The following TXNDC15 variants were observed in gnomAD, a reference collection of about 807,000 sequenced individuals.
The protein encoded by TXNDC15 is thioredoxin domain-containing protein 15.
TXNDC15 carries 24 observed loss-of-function variants against 35.0 expected under a neutral mutation model. That is an observed-to-expected ratio of 0.68 (90% confidence interval 0.50 to 0.96). The LOEUF is 0.96. TXNDC15 is among the 40% of genes least tolerant of loss of function. The pLI, the probability that TXNDC15 is intolerant of heterozygous loss-of-function variation, is 0.00. For missense variants in TXNDC15, 385 were observed against 453.3 expected (o/e 0.85, Z 1.37); for synonymous variants, 169 against 174.0 (o/e 0.97, Z 0.23).
intron 4 of TXNDC15, among the ~76,000 whole-genome samples, chr5:134,898,835 G>A (rs1750545216): frequency 6.6e-6 from 1 of 152,206 alleles, no homozygotes; most frequent in Non-Finnish European, 1.5e-5. Context: ...AACACTTTGG[G>A]AGGCTGAGGT....
At chr5:134,895,662 A>G (rs576540994) in intron 3 of TXNDC15, among the ~76,000 whole-genome samples, 138 of 152,334 alleles carry the variant, frequency 9.1e-4, no homozygotes, top group African/African-American at 3.2e-3. Context: ...GAGGCTTAGC[A>G]AGGTTAAATA....
intron 2 of TXNDC15, among the ~76,000 whole-genome samples, chr5:134,891,519 A>G (rs994422697): frequency 1.8e-4 from 27 of 152,208 alleles, no homozygotes; most frequent in Admixed American, 1.6e-3. Context: ...TCAGGAAACC[A>G]TGCTGTAAAC....
chr5:134,883,921 A>T (rs1392220597), intron 1 of TXNDC15, among the ~76,000 whole-genome samples: 1 of 150,182 alleles, frequency 6.7e-6, no homozygotes, highest in East Asian at 2.0e-4. Flanking sequence ...CTCAAAAAAA[A>T]AAAAAAAGGA....
chr5:134,891,329 C>T (rs1436849945), intron 2 of TXNDC15, among the ~76,000 whole-genome samples: 1 of 152,170 alleles, frequency 6.6e-6, no homozygotes, highest in African/African-American at 2.4e-5. Context: ...AAGTTGAAAT[C>T]CCTCCTTGAT....
In TXNDC15 at chr5:134,899,748, A is replaced by G. The variant is rs1372795475; in HGVS notation, c.*63A>G. 7.4e-7 allele frequency: 1 copy of G among 1,346,106 alleles called. No individual in the cohort carries two copies. The highest frequency in any genetic ancestry group is 1.0e-6 in the Non-Finnish European group (1 of 990,184). The allele number at this position is 1,346,106 out of a possible 1,614,324, so 83.4% of individuals were successfully genotyped here. On this transcript the variant is annotated 3_prime_UTR_variant, in exon 5 of 5. Coordinates refer to ENST00000358387, the MANE Select transcript of TXNDC15 (RefSeq NM_024715.4). ...CCTTCGTTTCAGAAATTAGTGCTAC[A>G]GTTTCATACATTTTCTCCAGTGACG...
chr5:134,881,901 G>T (rs1750155355), intron 1 of TXNDC15, among the ~76,000 whole-genome samples: 1 of 149,750 alleles, frequency 6.7e-6, no homozygotes, highest in Non-Finnish European at 1.5e-5. Flanking sequence ...CCGGGCAGAG[G>T]CGCCCCTGAC....
chr5:134,873,890 A>T (rs1448190020), upstream of TXNDC15: 1 of 152,358 alleles, frequency 6.6e-6, no homozygotes, highest in African/African-American at 2.4e-5. Context: ...TTATAGTAAA[A>T]AATATTCATT....
chr5:134,881,991 C>T (rs1281048986), intron 1 of TXNDC15, among the ~76,000 whole-genome samples: 2 of 149,796 alleles, frequency 1.3e-5, no homozygotes, highest in Admixed American at 6.6e-5. Flanking sequence ...CGGGTGGAGA[C>T]GCTCCTCACT....
At chr5:134,881,663 T>A (rs1220957260) in intron 1 of TXNDC15, among the ~76,000 whole-genome samples, 4 of 141,248 alleles carry the variant, frequency 2.8e-5, no homozygotes, top group African/African-American at 1.1e-4. Flanking sequence ...TCCACAAAAC[T>A]GCCATTGTCA....
intron 2 of TXNDC15, 199 bp from the exon 3 acceptor site, chr5:134,893,293 C>T: frequency 1.8e-6 from 1 of 540,980 alleles, no homozygotes; most frequent in African/African-American, 1.9e-5. Context: ...AAGTTTATAA[C>T]TTGTCATTTG....
rs764038865 is a variant in TXNDC15, at chr5:134,887,992, A to G, written c.401A>G (p.Asp134Gly). 29 of 1,614,078 alleles carry G rather than the reference A, an allele frequency of 1.8e-5. No individual in the cohort carries two copies. Among genetic ancestry groups the G allele is most frequent in the Admixed American group, 5.0e-5 (3 of 59,994 alleles). The change falls in exon 2 of 5, where the codon GAT (aspartate) becomes GGT (glycine). Residue 134 changes from aspartate to glycine, a missense_variant. By Grantham distance (94) the Asp-to-Gly change is moderately conservative. Coordinates refer to ENST00000358387, the MANE Select transcript of TXNDC15 (RefSeq NM_024715.4). Reference protein sequence around the residue: ...CNVRESLFSLDGAGAHFPDRE... With the variant: ...CNVRESLFSLGGAGAHFPDRE... ...GTCCGAGAGAGCCTTTTCTCTCTGGATGGCGCTGGAGCACACTTCCCTGAC... is the reference window on the plus strand; with the variant it reads ...GTCCGAGAGAGCCTTTTCTCTCTGGGTGGCGCTGGAGCACACTTCCCTGAC...
At chr5:134,885,496 G>T (rs1750257551) in intron 1 of TXNDC15, among the ~76,000 whole-genome samples, 1 of 152,084 alleles carries the variant, frequency 6.6e-6, no homozygotes, top group Non-Finnish European at 1.5e-5. Flanking sequence ...TCTTTCTCTG[G>T]CACTGGGTAG....
intron 2 of TXNDC15, among the ~76,000 whole-genome samples, chr5:134,890,546 G>A (rs555746682): frequency 2.0e-4 from 31 of 152,096 alleles, no homozygotes; most frequent in African/African-American, 7.2e-4. Context: ...GAATAACTGG[G>A]ATTACAGGCG....
chr5:134,883,151 G>T (rs948743647), intron 1 of TXNDC15, among the ~76,000 whole-genome samples: 1 of 152,086 alleles, frequency 6.6e-6, no homozygotes, highest in African/African-American at 2.4e-5. Context: ...ATTAGGCTGG[G>T]CATGGTGGCT....
At chr5:134,889,064 G>C (rs1368011463) in intron 2 of TXNDC15, among the ~76,000 whole-genome samples, 2 of 152,186 alleles carry the variant, frequency 1.3e-5, no homozygotes, top group African/African-American at 2.4e-5. Context: ...AGTGCACATA[G>C]CTCCTCCAAG....
Position 134,887,791 on chromosome 5 carries a change from A to T in TXNDC15, c.200A>T (p.Asp67Val), listed in dbSNP as rs1381275621. The T allele has an allele frequency of 6.2e-7, 1 of 1,613,838 alleles. No homozygotes were observed. Among genetic ancestry groups the T allele is most frequent in the Non-Finnish European group, 8.5e-7 (1 of 1,179,954 alleles). The change falls in exon 2 of 5, where the codon GAC (aspartate) becomes GTC (valine). Residue 67 changes from aspartate to valine, a missense_variant. Transcript: ENST00000358387. The stretch of plus-strand genomic sequence containing the variant: ...CTGGGTGAGGAGGAGCTCCTGCATG[A>T]CCCGATGGGCCAGGACAGGGCAGCA... ...VYLGEEELLH[D>V]PMGQDRAAEE...
chr5:134,899,945 G>A lies in TXNDC15; in HGVS notation c.*260G>A, dbSNP rs902170583. 2.0e-5 allele frequency: 7 copies of A among 348,048 alleles called. No homozygotes were observed. The highest frequency in any genetic ancestry group is 1.3e-4 in the African/African-American group (6 of 46,692). 21.6% of individuals were successfully genotyped at this position (348,048 alleles called of 1,614,324 possible). A position where few individuals can be genotyped will look rare whatever the true frequency, so the allele number is the denominator to read the frequency against. ...ATGAACGTAATCCAGTATTTGGAAAGTAATCCAGTTTGAAATGTGAAGATG... is the reference window on the plus strand; with the variant it reads ...ATGAACGTAATCCAGTATTTGGAAAATAATCCAGTTTGAAATGTGAAGATG... On this transcript the variant is annotated 3_prime_UTR_variant, in exon 5 of 5. Transcript: ENST00000358387.
At chr5:134,880,767 G>A (rs1750126238) in intron 1 of TXNDC15, among the ~76,000 whole-genome samples, 2 of 151,374 alleles carry the variant, frequency 1.3e-5, no homozygotes, top group Admixed American at 1.3e-4. Flanking sequence ...CTTTTTTTTT[G>A]AGATGGAGTC....
At chr5:134,891,637 T>C (rs1390958491) in intron 2 of TXNDC15, among the ~76,000 whole-genome samples, 1 of 152,142 alleles carries the variant, frequency 6.6e-6, no homozygotes, top group African/African-American at 2.4e-5. Context: ...CAATGAGCAA[T>C]GAGCATTGGC....
Sources: allele counts gnomAD v4.1 joint callset (sites outside exome capture counted in the v4.1 genomes callset), GRCh38; gene constraint gnomAD v4.1.1; transcripts MANE v1.5; gene names NCBI Gene and HGNC (gene_info 2026-07-23, HGNC 2026-07-21).